The following MSL3 variants were observed in gnomAD, a reference collection of about 807,000 sequenced individuals.
MSL3 encodes MSL3-like 1.
Under a neutral mutation model 37.2 loss-of-function variants are expected in MSL3, and 5 were observed. The ratio of observed to expected loss-of-function variants is 0.13; its 90% CI spans 0.07 to 0.28. The LOEUF is 0.28. MSL3 is among the 10% of genes least tolerant of loss of function. The pLI is 1.00. For missense variants in MSL3, 315 were observed against 408.5 expected, an observed-to-expected ratio of 0.77 and a Z score of 1.97; for synonymous variants, 149 against 147.6, an observed-to-expected ratio of 1.01 and a Z score of -0.07.
chrX:11,768,151 A>G (rs1246963796), intron 9 of MSL3, among the ~76,000 whole-genome samples: 1 of 111,475 alleles, frequency 9.0e-6, no homozygotes, highest in South Asian at 3.8e-4. Flanking sequence ...GACCATCTGC[A>G]CAGTCAATTC....
chrX:11,763,669 A>G, intron 7 of MSL3, 111 bp from the exon 8 acceptor site: 1 of 554,862 alleles, frequency 1.8e-6, no homozygotes, highest in Non-Finnish European at 3.0e-6. Context: ...TAGGTGTAGT[A>G]TATAATGATT....
chrX:11,774,144 T>C (rs1467059728), intron 12 of MSL3, among the ~76,000 whole-genome samples: 1 of 111,980 alleles, frequency 8.9e-6, no homozygotes, highest in Non-Finnish European at 1.9e-5. Context: ...ATATGAGTCT[T>C]TCCTGTGTCT....
Position 11,760,913 on chromosome X carries a change from G to A in MSL3, c.358G>A (p.Glu120Lys), listed in dbSNP as rs762777627. 2.4e-5 allele frequency: 29 copies of A among 1,192,282 alleles called. No homozygotes were observed. The Admixed American group carries it at 6.3e-4, about 26-fold the overall frequency. Residue 120 changes from glutamate (E) to lysine (K), a missense_variant, in exon 4 of 13, where the codon GAA (glutamate) becomes AAA (lysine). Transcript: ENST00000312196. ...TGTCTTAAAAGGCCTCCCCACTGAA[G>A]AAAAAGATGAAAATGATGAAAACTG... ...DSVLKGLPTE[E>K]KDENDENSLS...
At chrX:11,769,975 T>C (rs1301354567) in intron 10 of MSL3, among the ~76,000 whole-genome samples, 1 of 112,432 alleles carries the variant, frequency 8.9e-6, no homozygotes, top group Non-Finnish European at 1.9e-5. Context: ...CTGTCTTCAG[T>C]AGTGTGTACC....
intron 10 of MSL3, among the ~76,000 whole-genome samples, chrX:11,771,019 A>G (rs900838926): frequency 1.8e-5 from 2 of 112,477 alleles, no homozygotes; most frequent in Admixed American, 9.3e-5. Flanking sequence ...GTGGAGACCT[A>G]GGCGAGAGTC....
Position 11,764,002 on chromosome X carries a change from T to C in MSL3, c.908+64T>C, listed in dbSNP as rs2053157440. 8.1e-6 allele frequency: 8 copies of C among 984,266 alleles called. No individual in the cohort carries two copies. In the Admixed American group the frequency reaches 2.1e-4, roughly 26 times the overall value. The allele number at this position is 984,266 out of a possible 1,213,427, so 81.1% of individuals were successfully genotyped here. A position where few individuals can be genotyped will look rare whatever the true frequency, so the allele number is the denominator to read the frequency against. On this transcript the variant is annotated intron_variant, in intron 8 of 12. Transcript: ENST00000312196. ...GCAGTACAATGATCAGATCCTTGTTTTGAAGAGTTCAATCTGATGGTGTGG... is the reference window on the plus strand; with the variant it reads ...GCAGTACAATGATCAGATCCTTGTTCTGAAGAGTTCAATCTGATGGTGTGG...
chrX:11,772,385 T>A, intron 11 of MSL3, 130 bp downstream of exon 11: 1 of 545,219 alleles, frequency 1.8e-6, no homozygotes, highest in Non-Finnish European at 2.9e-6. Flanking sequence ...AAATTAAAAG[T>A]AATCTATCAA....
chrX:11,758,169 CGGCCACGGCGCACCGCCT>C, upstream of MSL3: 3 of 203,026 alleles, frequency 1.5e-5, no homozygotes, highest in Non-Finnish European at 2.3e-5. Flanking sequence ...CGGCCCCCCC[CGGCCACGGCGCACCGCCT>C]CCCCGCCCCC....
At chrX:11,758,398 G>A (rs1284966267) in intron 1 of MSL3, 33 bp downstream of exon 1, 2 of 1,032,698 alleles carry the variant, frequency 1.9e-6, no homozygotes, top group African/African-American at 2.0e-5. Flanking sequence ...AGGAGGCGCG[G>A]GCTGGGGGAC....
intron 8 of MSL3, 74 bp downstream of exon 8, chrX:11,764,012 C>G (rs2053157477): frequency 1.1e-6 from 1 of 916,724 alleles, no homozygotes; most frequent in Non-Finnish European, 1.5e-6. Flanking sequence ...TTGAAGAGTT[C>G]AATCTGATGG....
chrX:11,767,904 G>C (rs1470136294), intron 9 of MSL3: 1 of 752,677 alleles, frequency 1.3e-6, no homozygotes, highest in Non-Finnish European at 1.6e-6. Flanking sequence ...GATTGAAAAG[G>C]GTCAGCTGGG....
intron 9 of MSL3, 130 bp from the exon 10 acceptor site, chrX:11,768,443 A>G (rs2053204520): frequency 2.2e-6 from 1 of 449,429 alleles, no homozygotes; most frequent in Non-Finnish European, 3.9e-6. Flanking sequence ...ATCTGTTAGG[A>G]AAGTCTTATC....
chrX:11,766,745 C>T (rs759204557), intron 9 of MSL3: 39 of 753,258 alleles, frequency 5.2e-5, no homozygotes, highest in South Asian at 1.4e-4. Flanking sequence ...AACAGAGCTA[C>T]GCCAGCAGGC....
At chrX:11,758,849 C>A in intron 1 of MSL3, 1 of 1,018,373 alleles carries the variant, frequency 9.8e-7, no homozygotes, top group Non-Finnish European at 1.3e-6. Context: ...CCAGTTTAGG[C>A]CCCATCCCGC....
intron 8 of MSL3, 84 bp downstream of exon 8, chrX:11,764,022 G>A (rs1259296609): frequency 2.3e-6 from 2 of 856,281 alleles, no homozygotes; most frequent in Non-Finnish European, 1.6e-6. Context: ...CAATCTGATG[G>A]TGTGGGCCAA....
At chrX:11,767,100 CCTGAGAGAAAGGTCTGA>C (rs2053190828) in intron 9 of MSL3, 2 of 754,218 alleles carry the variant, frequency 2.7e-6, no homozygotes, top group Non-Finnish European at 3.1e-6. Context: ...TCCATAAGCT[CCTGAGAGAAAGGTCTGA>C]CTTGTTGATT....
At chrX:11,769,852 C>T (rs1057512667) in intron 10 of MSL3, among the ~76,000 whole-genome samples, 5 of 112,437 alleles carry the variant, frequency 4.4e-5, no homozygotes, top group Non-Finnish European at 5.6e-5. Flanking sequence ...GTGATCCTCC[C>T]GCCTCTGCCT....
intron 10 of MSL3, 150 bp from the exon 11 acceptor site, chrX:11,772,006 C>A: frequency 2.2e-6 from 1 of 446,207 alleles, no homozygotes; most frequent in Non-Finnish European, 3.9e-6. Context: ...GTGTTTTTGC[C>A]TTTCATCTTT....
In MSL3 at chrX:11,758,763, G is replaced by A. The variant is rs1206596287; in HGVS notation, c.102+398G>A. ...TGGGCTCCTGTGGGACGCCCTGGCC[G>A]TCCGATCCAGGTTCTAATTCATAGT... On this transcript the variant is annotated intron_variant, in intron 1 of 12. Coordinates refer to ENST00000312196, the MANE Select transcript of MSL3 (RefSeq NM_078629.4). The A allele has an allele frequency of 6.9e-6, 8 of 1,166,084 alleles. No homozygotes were observed. The South Asian group carries it at 1.3e-4, about 19-fold the overall frequency.
Sources: allele counts gnomAD v4.1 joint callset (sites outside exome capture counted in the v4.1 genomes callset), GRCh38; gene constraint gnomAD v4.1.1; transcripts MANE v1.5; gene names NCBI Gene and HGNC (gene_info 2026-07-23, HGNC 2026-07-21).